Variants in CSMD3 observed in about 807,000 individuals in gnomAD.
The protein encoded by CSMD3 is CUB and sushi domain-containing protein 3.
A neutral mutation model predicts 435.2 loss-of-function variants in CSMD3; 177 were observed. That is an observed-to-expected ratio of 0.41 (90% CI 0.36 to 0.46). The LOEUF is 0.46. Ranked by LOEUF, CSMD3 falls within the 20% of genes least tolerant of loss-of-function variation. CSMD3 has a pLI of 0.34. For missense variants in CSMD3, 4,265 were observed against 4,504.6 expected (o/e 0.95, Z 1.52); for synonymous variants, 1,656 against 1,520.5 (o/e 1.09, Z -2.07).
chr8:113,434,050 A>G (rs1409948239), intron 1 of CSMD3, among the ~76,000 whole-genome samples: 1 of 152,132 alleles, frequency 6.6e-6, no homozygotes, highest in African/African-American at 2.4e-5. Flanking sequence ...TTTCAGCCCC[A>G]CCCGAGTGGT....
intron 3 of CSMD3, among the ~76,000 whole-genome samples, chr8:113,194,522 G>A (rs1169415705): frequency 6.6e-6 from 1 of 151,218 alleles, no homozygotes; most frequent in Non-Finnish European, 1.5e-5. Context: ...GACACCAAGA[G>A]TAAACTCTAA....
At chr8:112,611,983 A>G (rs1833291850) in intron 22 of CSMD3, among the ~76,000 whole-genome samples, 1 of 152,284 alleles carries the variant, frequency 6.6e-6, no homozygotes, top group East Asian at 1.9e-4. Flanking sequence ...CAAATAGATT[A>G]AATGATAAAT....
intron 50 of CSMD3, among the ~76,000 whole-genome samples, chr8:112,308,445 T>C (rs968671455): frequency 6.6e-6 from 1 of 152,044 alleles, no homozygotes; most frequent in Non-Finnish European, 1.5e-5. Context: ...CGTACCAGAA[T>C]AATGGGACAA....
At chr8:112,641,796 C>T (rs1349112300) in intron 20 of CSMD3, among the ~76,000 whole-genome samples, 1 of 152,004 alleles carries the variant, frequency 6.6e-6, no homozygotes, top group Non-Finnish European at 1.5e-5. Context: ...CCAGGATCAG[C>T]CTGGGTGACA....
intron 1 of CSMD3, among the ~76,000 whole-genome samples, chr8:113,353,387 A>G (rs920980660): frequency 2.0e-5 from 3 of 152,282 alleles, no homozygotes; most frequent in African/African-American, 2.4e-5. Flanking sequence ...TTTTTGTACT[A>G]AATATTCTAA....
At position 112,408,168 on chromosome 8, in the gene CSMD3, G is replaced by A. The variant is rs575034847; in HGVS notation, c.5605+150C>T. Reference sequence around the variant, plus strand: ...ATAGATTTTGTTTACTTTGGTCAAGGTGACAGTGATCTAGTGATGGTGGAG... The same window carrying A: ...ATAGATTTTGTTTACTTTGGTCAAGATGACAGTGATCTAGTGATGGTGGAG... On this transcript the variant is annotated intron_variant, in intron 34 of 70. Transcript: ENST00000297405. The A allele has an allele frequency of 7.6e-6, 5 of 660,954 alleles. No individual in the cohort carries two copies. In the East Asian group the frequency reaches 1.4e-4, roughly 18 times the overall value. 40.9% of individuals were successfully genotyped at this position (660,954 alleles called of 1,614,324 possible).
At chr8:112,943,334 A>C (rs2083508811) in intron 9 of CSMD3, among the ~76,000 whole-genome samples, 1 of 147,238 alleles carries the variant, frequency 6.8e-6, no homozygotes, top group Admixed American at 7.0e-5. Context: ...ATTTTAATGA[A>C]GTATGACATC....
chr8:113,336,960 G>C (rs2094080309), intron 1 of CSMD3, among the ~76,000 whole-genome samples: 1 of 152,034 alleles, frequency 6.6e-6, no homozygotes, highest in Non-Finnish European at 1.5e-5. Context: ...TTTTTGCTGT[G>C]GATAAGGGTG....
At chr8:112,884,269 C>T (rs1009104158) in intron 10 of CSMD3, among the ~76,000 whole-genome samples, 4 of 151,738 alleles carry the variant, frequency 2.6e-5, no homozygotes, top group Non-Finnish European at 2.9e-5. Context: ...CTCAGTTTTA[C>T]AAGTAGTCAA....
chr8:112,597,565 A>G, intron 22 of CSMD3, among the ~76,000 whole-genome samples: 1 of 119,314 alleles, frequency 8.4e-6, no homozygotes, highest in East Asian at 2.2e-4. Context: ...ACACAACCAA[A>G]AAAGAGAATT....
At chr8:112,376,236 C>A (rs1265360497) in intron 38 of CSMD3, among the ~76,000 whole-genome samples, 3 of 152,072 alleles carry the variant, frequency 2.0e-5, no homozygotes, top group Admixed American at 6.6e-5. Flanking sequence ...CTAGACTCTT[C>A]AAAGAAAAAT....
intron 5 of CSMD3, among the ~76,000 whole-genome samples, chr8:113,090,654 C>T (rs1018123042): frequency 6.6e-6 from 1 of 152,236 alleles, no homozygotes; most frequent in Non-Finnish European, 1.5e-5. Flanking sequence ...TCTTCAATCT[C>T]CTCCTCCATT....
rs2074677324 is a variant in CSMD3 at position 112,636,924 on chromosome 8, G to A, written c.3608C>T (p.Thr1203Ile). The A allele has an allele frequency of 3.1e-6, 5 of 1,613,550 alleles. No homozygotes were observed. The East Asian group carries it at 6.7e-5, about 22-fold the overall frequency. The change falls in exon 22 of 71, where the codon ACT becomes ATT. Residue 1203 changes from threonine to isoleucine, a missense_variant. Coordinates refer to ENST00000297405, the MANE Select transcript of CSMD3 (RefSeq NM_198123.2). Reference protein sequence around the residue: ...RIGFNFGIGDTLTFSCSSGYR... With the variant: ...RIGFNFGIGDILTFSCSSGYR... ...ACCCGAAGAGCATGAGAAGGTCAGA[G>A]TGTCACCAATCCCAAAGTTGAACCC...
intron 27 of CSMD3, among the ~76,000 whole-genome samples, chr8:112,524,507 T>C (rs1246958855): frequency 6.6e-6 from 1 of 152,044 alleles, no homozygotes; most frequent in African/African-American, 2.4e-5. Context: ...TGCCAAGTTA[T>C]GGGGACACAA....
intron 36 of CSMD3, among the ~76,000 whole-genome samples, chr8:112,384,404 G>T (rs1337678818): frequency 6.6e-6 from 1 of 152,208 alleles, no homozygotes; most frequent in Non-Finnish European, 1.5e-5. Context: ...TTTAGAGAAA[G>T]ATGCATGTGT....
At chr8:112,539,725 A>G (rs999707712) in intron 27 of CSMD3, among the ~76,000 whole-genome samples, 1 of 152,114 alleles carries the variant, frequency 6.6e-6, no homozygotes, top group African/African-American at 2.4e-5. Context: ...CTAGACCCCT[A>G]TCTCTCACCA....
chr8:112,969,572 T>G (rs1255022584), intron 7 of CSMD3, among the ~76,000 whole-genome samples: 1 of 151,994 alleles, frequency 6.6e-6, no homozygotes, highest in Non-Finnish European at 1.5e-5. Flanking sequence ...TAAACAGTAG[T>G]AATGTCTATA....
intron 46 of CSMD3, 49 bp from the exon 47 acceptor site, chr8:112,318,999 A>T: frequency 9.9e-7 from 1 of 1,008,708 alleles, no homozygotes. Flanking sequence ...AGGTGATGAT[A>T]AAAATAAACA....
chr8:113,417,222 C>T (rs2094585779), intron 1 of CSMD3, among the ~76,000 whole-genome samples: 1 of 151,824 alleles, frequency 6.6e-6, no homozygotes, highest in Non-Finnish European at 1.5e-5. Flanking sequence ...TAAAAACATC[C>T]TTACATATGT....
Sources: gnomAD v4.1 joint callset for allele counts (sites outside exome capture counted in the v4.1 genomes callset) on GRCh38, gnomAD v4.1.1 for gene constraint, MANE v1.5 for transcripts, NCBI Gene and HGNC (gene_info 2026-07-23, HGNC 2026-07-21) for gene names.